The following DOK6 variants were observed in gnomAD, a reference collection of about 807,000 sequenced individuals.
DOK6 encodes the protein docking protein 6.
In DOK6, 22 loss-of-function variants were observed where a neutral mutation model predicts 44.0. The ratio of observed to expected loss-of-function variants is 0.50; its 90% CI spans 0.36 to 0.71. DOK6 has a LOEUF of 0.71. Ranked by LOEUF, DOK6 falls within the 30% of genes least tolerant of loss-of-function variation. The pLI is 0.00. For synonymous variants in DOK6, 166 were observed against 145.5 expected (o/e 1.14, Z -1.01); for missense variants, 340 against 416.4 (o/e 0.82, Z 1.60).
chr18:69,540,037 GTCAAATGCT>G (rs1982228158), intron 1 of DOK6, among the ~76,000 whole-genome samples: 1 of 18,212 alleles, frequency 5.5e-5, no homozygotes, highest in Admixed American at 8.6e-4. Flanking sequence ...TGGAGGAACT[GTCAAATGCT>G]GTCAAATGCT....
chr18:69,595,632 G>A (rs909506158), intron 2 of DOK6, among the ~76,000 whole-genome samples: 1 of 152,094 alleles, frequency 6.6e-6, no homozygotes, highest in African/African-American at 2.4e-5. Flanking sequence ...AATTTTAGCA[G>A]AATTCATGTT....
chr18:69,538,424 C>T (rs2144578974), intron 1 of DOK6, among the ~76,000 whole-genome samples: 1 of 152,014 alleles, frequency 6.6e-6, no homozygotes, highest in Non-Finnish European at 1.5e-5. Flanking sequence ...GCTCTGTTAC[C>T]CGGGCTGGAG....
intron 1 of DOK6, among the ~76,000 whole-genome samples, chr18:69,536,052 A>G (rs1455959216): frequency 6.6e-6 from 1 of 152,170 alleles, no homozygotes; most frequent in East Asian, 1.9e-4. Flanking sequence ...CACACTGTCT[A>G]CAAGGTCCCG....
intron 6 of DOK6, among the ~76,000 whole-genome samples, chr18:69,745,304 G>A (rs919798623): frequency 6.6e-6 from 1 of 152,014 alleles, no homozygotes; most frequent in African/African-American, 2.4e-5. Context: ...TGCTTTGCTG[G>A]AACTGAACAA....
At chr18:69,661,489 T>A (rs1464247018) in intron 3 of DOK6, 1 of 152,176 alleles carries the variant, frequency 6.6e-6, no homozygotes, top group Non-Finnish European at 1.5e-5. Flanking sequence ...ACTATGGGCA[T>A]CTCCTAGATA....
chr18:69,448,938 A>G lies in DOK6; in HGVS notation c.66+47628A>G, dbSNP rs551705608. On this transcript the variant is annotated intron_variant, in intron 1 of 7. Coordinates refer to ENST00000382713, the MANE Select transcript of DOK6 (RefSeq NM_152721.6). ...TAGAATATATCAAAATGCATGTTAT[A>G]TAGAGAGTCGCCAAATAATTTGTCA... 1.1e-4 allele frequency among the ~76,000 whole-genome samples: 16 copies of G among 152,380 alleles called. No homozygotes were observed. In the South Asian group the frequency reaches 2.9e-3, roughly 28 times the overall value.
intron 5 of DOK6, among the ~76,000 whole-genome samples, chr18:69,729,532 A>T (rs914520197): frequency 7.2e-5 from 11 of 152,158 alleles, no homozygotes; most frequent in Admixed American, 5.2e-4. Context: ...TAGAATCATG[A>T]AGTCTAACAA....
rs1006816115 is a variant in DOK6 at position 69,821,634 on chromosome 18, C to A, written c.857-19610C>A. Among the ~76,000 whole-genome samples the A allele has an allele frequency of 7.2e-5, 11 of 152,242 alleles. 1 individual carries two copies. The highest frequency in any genetic ancestry group is 2.6e-4 in the African/African-American group (11 of 41,552). On this transcript the variant is annotated intron_variant, in intron 7 of 7. Transcript: ENST00000382713. Reference sequence around the variant, plus strand: ...TTAAAACACGCTTCACTCTTTTTAACAATGGCTCTAACAGGATAAAAGCTT... The same window carrying A: ...TTAAAACACGCTTCACTCTTTTTAAAAATGGCTCTAACAGGATAAAAGCTT...
intron 5 of DOK6, among the ~76,000 whole-genome samples, chr18:69,701,110 A>G (rs1986508879): frequency 6.6e-6 from 1 of 152,256 alleles, no homozygotes; most frequent in African/African-American, 2.4e-5. Context: ...ACATGTAGAC[A>G]TGAACAGTAG....
chr18:69,774,167 A>T (rs1979991051), intron 7 of DOK6, among the ~76,000 whole-genome samples: 1 of 51,116 alleles, frequency 2.0e-5, no homozygotes, highest in Admixed American at 2.7e-4. Flanking sequence ...ATGTAATACT[A>T]CTCAGTCATA....
At chr18:69,721,522 AAGTTT>A (rs1978288682) in intron 5 of DOK6, 1 of 152,244 alleles carries the variant, frequency 6.6e-6, no homozygotes, top group East Asian at 1.9e-4. Context: ...ACAAAATTAT[AAGTTT>A]AATTTATTTT....
intron 5 of DOK6, among the ~76,000 whole-genome samples, chr18:69,732,021 C>A (rs937889290): frequency 6.6e-6 from 1 of 152,084 alleles, no homozygotes; most frequent in South Asian, 2.1e-4. Flanking sequence ...TTTTATCTAC[C>A]CCATTTGGAA....
At chr18:69,534,578 AC>A (rs1982069635) in intron 1 of DOK6, among the ~76,000 whole-genome samples, 1 of 150,100 alleles carries the variant, frequency 6.7e-6, no homozygotes. Flanking sequence ...TTGGAGTAAA[AC>A]TTGTTCTTTG....
intron 7 of DOK6, among the ~76,000 whole-genome samples, chr18:69,766,488 C>G (rs77037091): frequency 0.031 from 4,721 of 152,214 alleles, 131 homozygotes; most frequent in East Asian, 0.091. Flanking sequence ...TGACCAGAAA[C>G]CTTTCCAATA....
chr18:69,407,434 C>T (rs914759833), intron 1 of DOK6, among the ~76,000 whole-genome samples: 2 of 152,144 alleles, frequency 1.3e-5, no homozygotes, highest in African/African-American at 4.8e-5. Flanking sequence ...TCTTTAGCCT[C>T]GGTTTTATTA....
intron 3 of DOK6, among the ~76,000 whole-genome samples, chr18:69,670,235 T>C (rs1237564635): frequency 1.3e-5 from 2 of 152,200 alleles, no homozygotes; most frequent in Non-Finnish European, 1.5e-5. Flanking sequence ...GTAACAGATT[T>C]GGTACAGAGA....
chr18:69,612,588 T>C (rs1984185248), intron 3 of DOK6, among the ~76,000 whole-genome samples: 1 of 136,470 alleles, frequency 7.3e-6, no homozygotes, highest in South Asian at 2.4e-4. Flanking sequence ...AGCGTAAGGT[T>C]CTCCTGCTTT....
At chr18:69,698,375 A>C (rs777839352) in intron 4 of DOK6, 29 bp from the exon 5 acceptor site, 2 of 1,577,402 alleles carry the variant, frequency 1.3e-6, no homozygotes, top group South Asian at 1.2e-5. Context: ...CTTTTCACTT[A>C]ACCTTCTCCA....
rs1984233513 is a variant in DOK6, at chr18:69,614,407, A to C, written c.289+14909A>C. 3.3e-5 allele frequency among the ~76,000 whole-genome samples: 5 copies of C among 152,174 alleles called. No individual in the cohort carries two copies. In the South Asian group the frequency reaches 1.0e-3, roughly 31 times the overall value. On this transcript the variant is annotated intron_variant, in intron 3 of 7. Transcript: ENST00000382713. ...GCATTTTTCAGTTTTACTGCGGCAT[A>C]GTTAGCAAGTAAAAATTCTGCTTAT... is the stretch of plus-strand genomic sequence containing the variant.
Sources: allele counts gnomAD v4.1 joint callset (sites outside exome capture counted in the v4.1 genomes callset), GRCh38; gene constraint gnomAD v4.1.1; transcripts MANE v1.5; gene names NCBI Gene and HGNC (gene_info 2026-07-23, HGNC 2026-07-21).